Variants in ATP13A4 observed in about 807,000 individuals in gnomAD.
The protein encoded by ATP13A4 is probable cation-transporting ATPase 13A4.
ATP13A4 carries 114 observed loss-of-function variants against 142.5 expected under a neutral mutation model. The observed-to-expected ratio is 0.80, with a 90% confidence interval of 0.69 to 0.93. The LOEUF is 0.93. Ranked by LOEUF, ATP13A4 falls within the 40% of genes least tolerant of loss-of-function variation. ATP13A4 has a pLI of 0.00. For missense variants in ATP13A4, 1,392 were observed against 1,454.0 expected (o/e 0.96, Z 0.69); for synonymous variants, 488 against 514.8 (o/e 0.95, Z 0.70).
intron 2 of ATP13A4, among the ~76,000 whole-genome samples, chr3:193,503,035 GGCA>G (rs1720642729): frequency 6.6e-6 from 1 of 151,940 alleles, no homozygotes; most frequent in African/African-American, 2.4e-5. Flanking sequence ...ACCGGGGCGG[GGCA>G]GGGGGGGGAA....
chr3:193,471,095 T>C, intron 8 of ATP13A4, 102 bp from the exon 9 acceptor site: 2 of 1,017,286 alleles, frequency 2.0e-6, no homozygotes, highest in Non-Finnish European at 2.8e-6. Flanking sequence ...AACCAAGACA[T>C]TTTTTTTTTA....
At chr3:193,447,781 T>C (rs973079480) in intron 18 of ATP13A4, among the ~76,000 whole-genome samples, 2 of 152,178 alleles carry the variant, frequency 1.3e-5, no homozygotes, top group East Asian at 3.9e-4. Context: ...TTATGATTGA[T>C]GGGTTTTCAG....
intron 29 of ATP13A4, among the ~76,000 whole-genome samples, chr3:193,404,833 C>T (rs993919817): frequency 3.3e-5 from 5 of 152,144 alleles, no homozygotes; most frequent in Non-Finnish European, 7.4e-5. Context: ...TAGAAAAAAA[C>T]GAAAGCCTTA....
chr3:193,503,065 TCCAAA>T (rs1720648563), intron 2 of ATP13A4, among the ~76,000 whole-genome samples: 1 of 151,982 alleles, frequency 6.6e-6, no homozygotes, highest in African/African-American at 2.4e-5. Context: ...CTTTGTTAAC[TCCAAA>T]AAAATGTTAA....
intron 23 of ATP13A4, among the ~76,000 whole-genome samples, chr3:193,438,223 A>G (rs1031051631): frequency 6.6e-6 from 1 of 152,214 alleles, no homozygotes; most frequent in African/African-American, 2.4e-5. Context: ...TCAAAGCAAT[A>G]ACAAGTTCCA....
intron 2 of ATP13A4, among the ~76,000 whole-genome samples, chr3:193,580,612 A>G (rs1724519494): frequency 6.6e-6 from 1 of 152,172 alleles, no homozygotes; most frequent in South Asian, 2.1e-4. Context: ...TGTACAGGCC[A>G]AGTTACAGAA....
chr3:193,404,089 G>C lies in ATP13A4; in HGVS notation c.3379-1225C>G. 5.1e-6 allele frequency: 5 copies of C among 985,420 alleles called. No individual in the cohort carries two copies. In the South Asian group the frequency reaches 1.9e-4, roughly 37 times the overall value. The allele number at this position is 985,420 out of a possible 1,614,324, so 61.0% of individuals were successfully genotyped here. ...TCTCAGCCTCTTGGAAACTTAGCCA[G>C]ATGAGTTATTCTACTTTCCTGCAGC... On this transcript the variant is annotated intron_variant, in intron 29 of 29. Coordinates refer to ENST00000342695, the MANE Select transcript of ATP13A4 (RefSeq NM_032279.4).
Position 193,418,431 on chromosome 3 carries a change from A to G in ATP13A4, c.2843-3681T>C, listed in dbSNP as rs139182586. ...CCAAAACAACACTATATTTTGATGAAAATAACTAAACGAGAGTGTCAGAAT... is the reference window on the plus strand; with the variant it reads ...CCAAAACAACACTATATTTTGATGAGAATAACTAAACGAGAGTGTCAGAAT... On this transcript the variant is annotated intron_variant, in intron 25 of 29. Coordinates refer to ENST00000342695, the MANE Select transcript of ATP13A4 (RefSeq NM_032279.4). Among the ~76,000 whole-genome samples the G allele has an allele frequency of 1.6e-4, 24 of 149,964 alleles. 7 individuals carry two copies. The East Asian group carries it at 4.8e-3, about 30-fold the overall frequency.
chr3:193,510,468 G>A (rs1721083996), intron 2 of ATP13A4, among the ~76,000 whole-genome samples: 1 of 152,148 alleles, frequency 6.6e-6, no homozygotes, highest in South Asian at 2.1e-4. Flanking sequence ...AAAGATGGAA[G>A]CTATGAAAAT....
Position 193,465,952 on chromosome 3 carries a change from G to A in ATP13A4, c.1272+73C>T, listed in dbSNP as rs1160424815. ...GTTTGTAAACCACATCCTAGGTTAA[G>A]GCCAACATGCACAGTACAAAATATA... On this transcript the variant is annotated intron_variant, in intron 11 of 29. Coordinates refer to ENST00000342695, the MANE Select transcript of ATP13A4 (RefSeq NM_032279.4). The A allele has an allele frequency of 5.7e-6, 9 of 1,585,028 alleles. No homozygotes were observed. In the African/African-American group the frequency reaches 6.7e-5, roughly 12 times the overall value.
intron 2 of ATP13A4, among the ~76,000 whole-genome samples, chr3:193,560,617 G>A (rs1723994105): frequency 6.6e-6 from 1 of 152,152 alleles, no homozygotes; most frequent in South Asian, 2.1e-4. Flanking sequence ...AACTTTTCCA[G>A]AACCCACCAA....
At chr3:193,498,659 T>C (rs1467921537) in intron 3 of ATP13A4, among the ~76,000 whole-genome samples, 2 of 152,216 alleles carry the variant, frequency 1.3e-5, no homozygotes, top group Non-Finnish European at 2.9e-5. Context: ...ATAATATTTA[T>C]AATTTTCCTC....
intron 28 of ATP13A4, among the ~76,000 whole-genome samples, chr3:193,408,842 C>G (rs1406095412): frequency 2.6e-5 from 4 of 152,204 alleles, no homozygotes; most frequent in Non-Finnish European, 5.9e-5. Context: ...TGCCTCTCCC[C>G]ACTTCCTCTG....
intron 29 of ATP13A4, among the ~76,000 whole-genome samples, chr3:193,406,742 A>C (rs765544153): frequency 6.6e-5 from 10 of 152,234 alleles, no homozygotes; most frequent in Non-Finnish European, 1.5e-4. Context: ...GAAAGAAGCC[A>C]CACACAAAAG....
At chr3:193,564,195 G>A (rs1468987215) in intron 2 of ATP13A4, among the ~76,000 whole-genome samples, 1 of 152,226 alleles carries the variant, frequency 6.6e-6, no homozygotes, top group African/African-American at 2.4e-5. Context: ...GGCCTTGCTA[G>A]AAGCACTTGT....
At chr3:193,540,888 T>C (rs1722859359) in intron 1 of ATP13A4, among the ~76,000 whole-genome samples, 1 of 152,198 alleles carries the variant, frequency 6.6e-6, no homozygotes. Flanking sequence ...TCATTGTGAT[T>C]CTTCTTTTAC....
intron 17 of ATP13A4, among the ~76,000 whole-genome samples, chr3:193,452,374 A>C (rs1717329536): frequency 1.3e-5 from 2 of 152,080 alleles, no homozygotes; most frequent in Admixed American, 1.3e-4. Flanking sequence ...AAATATACAG[A>C]ATTGTAGTAG....
chr3:193,409,122 G>C (rs1410174329), intron 28 of ATP13A4, among the ~76,000 whole-genome samples: 1 of 152,078 alleles, frequency 6.6e-6, no homozygotes, highest in Non-Finnish European at 1.5e-5. Context: ...TTAAACATTT[G>C]AATTGTGAAC....
At chr3:193,558,442 T>C (rs1435784198), upstream of ATP13A4, among the ~76,000 whole-genome samples, 1 of 152,232 alleles carries the variant, frequency 6.6e-6, no homozygotes, top group Non-Finnish European at 1.5e-5. Flanking sequence ...TTAGCACTAG[T>C]TTGATTAACT....
Sources: gnomAD v4.1 joint callset for allele counts (sites outside exome capture counted in the v4.1 genomes callset) on GRCh38, gnomAD v4.1.1 for gene constraint, MANE v1.5 for transcripts, NCBI Gene and HGNC (gene_info 2026-07-23, HGNC 2026-07-21) for gene names.